The following KIRREL1 variants were observed in gnomAD, a reference collection of about 807,000 sequenced individuals.
KIRREL1 encodes kirre like nephrin family adhesion molecule 1, also known as kin of IRRE-like protein 1.
A neutral mutation model predicts 83.3 loss-of-function variants in KIRREL1; 25 were observed. The observed-to-expected ratio is 0.30, with a 90% CI of 0.22 to 0.42. The LOEUF is 0.42. Among genes scored for constraint, KIRREL1 ranks in the 10% least tolerant of loss-of-function variants. The pLI is 1.00. For synonymous variants in KIRREL1, 388 were observed against 410.4 expected (o/e 0.95, Z 0.66); for missense variants, 812 against 1,032.3 (o/e 0.79, Z 2.92).
intron 1 of KIRREL1, among the ~76,000 whole-genome samples, chr1:158,005,419 C>A (rs1205124317): frequency 6.6e-6 from 1 of 152,058 alleles, no homozygotes; most frequent in Non-Finnish European, 1.5e-5. Context: ...CCTGCCACCT[C>A]ACTAGCTCCA....
intron 3 of KIRREL1, 112 bp from the exon 4 acceptor site, chr1:158,084,310 C>T (rs1041510300): frequency 1.9e-6 from 2 of 1,065,028 alleles, no homozygotes; most frequent in Non-Finnish European, 2.7e-6. Flanking sequence ...GTGGTACCGC[C>T]TACCTAGAGG....
chr1:158,065,465 T>G (rs1661332892), intron 1 of KIRREL1, among the ~76,000 whole-genome samples: 1 of 152,094 alleles, frequency 6.6e-6, no homozygotes, highest in African/African-American at 2.4e-5. Flanking sequence ...AGGGTTAGAC[T>G]CCAGGAAAAA....
chr1:158,042,716 T>C (rs566157951), intron 1 of KIRREL1, among the ~76,000 whole-genome samples: 46 of 152,176 alleles, frequency 3.0e-4, no homozygotes, highest in African/African-American at 1.1e-3. Flanking sequence ...AGATTGGCTG[T>C]TCTCTGGCCT....
At chr1:157,998,668 A>C (rs1169419565) in intron 1 of KIRREL1, among the ~76,000 whole-genome samples, 2 of 152,184 alleles carry the variant, frequency 1.3e-5, no homozygotes, top group Non-Finnish European at 2.9e-5. Context: ...GATCTCCCCA[A>C]GTGTCAGCTT....
At chr1:158,058,895 C>T (rs765411261) in intron 1 of KIRREL1, among the ~76,000 whole-genome samples, 2 of 152,152 alleles carry the variant, frequency 1.3e-5, no homozygotes, top group East Asian at 1.9e-4. Context: ...GAACATAATA[C>T]TGAGCTCCTC....
Position 158,089,792 on chromosome 1 carries a change from G to A in KIRREL1, c.1246G>A (p.Gly416Arg). The stretch of plus-strand genomic sequence containing the variant: ...CGGTGGCAAGGTGGAGTGTTTCATT[G>A]GGAGCACACCACCCCCAGACCGCAT... ...GDGGKVECFIGSTPPPDRIAW... is the reference protein window; with the variant it reads ...GDGGKVECFIRSTPPPDRIAW... Residue 416 changes from glycine (G) to arginine (R), a missense_variant, in exon 10 of 15, where the codon GGG (glycine) becomes AGG (arginine). Transcript: ENST00000359209. The A allele has an allele frequency of 6.2e-7, 1 of 1,614,076 alleles. No individual in the cohort carries two copies. Among genetic ancestry groups the A allele is most frequent in the Non-Finnish European group, 8.5e-7 (1 of 1,179,998 alleles).
intron 1 of KIRREL1, among the ~76,000 whole-genome samples, chr1:158,044,841 T>G (rs1043482593): frequency 3.3e-5 from 5 of 152,228 alleles, no homozygotes; most frequent in Non-Finnish European, 7.3e-5. Flanking sequence ...CTTATATGGC[T>G]TCTGTCAGAG....
chr1:158,087,819 T>A lies in KIRREL1; in HGVS notation c.726T>A (p.Phe242Leu), dbSNP rs770391315. 2 of 1,613,798 alleles carry A rather than the reference T, an allele frequency of 1.2e-6. No individual in the cohort carries two copies. The highest frequency in any genetic ancestry group is 2.7e-5 in the African/African-American group (2 of 74,876). Residue 242 changes from phenylalanine (F) to leucine (L), a missense_variant, in exon 6 of 15, where the codon TTT becomes TTA. By Grantham distance (22) the Phe-to-Leu change is conservative. This residue lies in a region of KIRREL1 where 472 missense variants were observed against 626.8 expected (regional missense o/e 0.75). Coordinates refer to ENST00000359209, the MANE Select transcript of KIRREL1 (RefSeq NM_018240.7). ...QTVQEGERVV[F>L]TCQATANPEI... ...TGCAGGAGGGTGAGCGTGTTGTCTT[T>A]ACCTGCCAGGCCACAGCCAACCCCG...
intron 1 of KIRREL1, among the ~76,000 whole-genome samples, chr1:158,001,595 A>T (rs1230342604): frequency 6.6e-6 from 1 of 152,136 alleles, no homozygotes; most frequent in Admixed American, 6.5e-5. Flanking sequence ...CTGTGGGCTG[A>T]AGTGACCAGG....
rs78133807 is a variant in KIRREL1, at chr1:158,066,251, C to T, written c.53-9862C>T. On this transcript the variant is annotated intron_variant, in intron 1 of 14. Transcript: ENST00000359209. The stretch of plus-strand genomic sequence containing the variant: ...AAATAAAGAATGTTGGAGTGGCGAC[C>T]ATCAAGGCCTTTCCTACCTACCTCC... 3.3e-5 allele frequency among the ~76,000 whole-genome samples: 5 copies of T among 152,222 alleles called. No homozygotes were observed. The East Asian group carries it at 9.7e-4, about 29-fold the overall frequency.
chr1:158,033,368 G>T (rs1452748321), intron 1 of KIRREL1, among the ~76,000 whole-genome samples: 1 of 152,188 alleles, frequency 6.6e-6, no homozygotes, highest in Non-Finnish European at 1.5e-5. Flanking sequence ...CACCGTGCTA[G>T]GCCCCGACTC....
chr1:158,049,286 A>G (rs1024944428), intron 1 of KIRREL1, among the ~76,000 whole-genome samples: 1 of 152,248 alleles, frequency 6.6e-6, no homozygotes, highest in Non-Finnish European at 1.5e-5. Context: ...AGGATGCACA[A>G]GTACTATGGG....
chr1:158,034,269 C>A (rs984933601), intron 1 of KIRREL1, among the ~76,000 whole-genome samples: 432 of 113,532 alleles, frequency 3.8e-3, no homozygotes, highest in East Asian at 5.4e-3. Context: ...GACTCCGTCT[C>A]AAAAAAAAAA....
chr1:158,029,373 G>GTGTGTGTGTGTGTGTGCGCA (rs1660261214), intron 1 of KIRREL1, among the ~76,000 whole-genome samples: 1 of 148,426 alleles, frequency 6.7e-6, no homozygotes, highest in African/African-American at 2.5e-5. Flanking sequence ...GTGTGCACGT[G>GTGTGTGTGTGTGTGTGCGCA]CGCGCGCATG....
At chr1:158,004,495 T>A (rs1402794545) in intron 1 of KIRREL1, among the ~76,000 whole-genome samples, 9 of 152,336 alleles carry the variant, frequency 5.9e-5, no homozygotes, top group African/African-American at 1.9e-4. Flanking sequence ...GAATTAGGTC[T>A]GTGTCTTGGA....
At chr1:158,041,822 T>A (rs937183545) in intron 1 of KIRREL1, among the ~76,000 whole-genome samples, 1 of 152,148 alleles carries the variant, frequency 6.6e-6, no homozygotes, top group African/African-American at 2.4e-5. Flanking sequence ...AGGCTGATGC[T>A]AGGACATTAA....
chr1:158,081,184 C>T lies in KIRREL1; in HGVS notation c.352+3044C>T, dbSNP rs1385012074. On this transcript the variant is annotated intron_variant, in intron 3 of 14. Coordinates refer to ENST00000359209, the MANE Select transcript of KIRREL1 (RefSeq NM_018240.7). ...AAAACCATGGTGATGAGCATGACTT[C>T]TGGGTCAGGCAAGCCTGGTCCACAT... is the stretch of plus-strand genomic sequence containing the variant. 3.0e-5 allele frequency among the ~76,000 whole-genome samples: 3 copies of T among 98,368 alleles called. 1 individual carries two copies. Among genetic ancestry groups the T allele is most frequent in the East Asian group, 2.0e-4 (1 of 4,890 alleles). 64.5% of individuals were successfully genotyped at this position (98,368 alleles called of 152,430 possible).
At chr1:158,060,382 C>T (rs770023588) in intron 1 of KIRREL1, among the ~76,000 whole-genome samples, 1 of 152,198 alleles carries the variant, frequency 6.6e-6, no homozygotes, top group East Asian at 1.9e-4. Flanking sequence ...CCCTGCACAG[C>T]TTAAGGCCCT....
At chr1:158,018,793 G>C (rs1659914518) in intron 1 of KIRREL1, among the ~76,000 whole-genome samples, 1 of 152,154 alleles carries the variant, frequency 6.6e-6, no homozygotes, top group African/African-American at 2.4e-5. Flanking sequence ...ACCATTTGTG[G>C]CAAGCGTTTA....
Sources: allele counts gnomAD v4.1 joint callset (sites outside exome capture counted in the v4.1 genomes callset), GRCh38; gene constraint gnomAD v4.1.1; regional missense constraint gnomAD v4.1.1; transcripts MANE v1.5; gene names NCBI Gene and HGNC (gene_info 2026-07-23, HGNC 2026-07-21).